TMC3: variants seen among roughly 807,000 people sequenced by gnomAD.
TMC3 encodes transmembrane channel like 3.
A neutral mutation model predicts 110.6 loss-of-function variants in TMC3; 98 were observed. The observed-to-expected ratio is 0.89, with a 90% CI of 0.75 to 1.05. TMC3 has a LOEUF of 1.05. Ranked by LOEUF, TMC3 falls within the 50% of genes least tolerant of loss-of-function variation. TMC3 has a pLI of 0.00. For synonymous variants in TMC3, 489 were observed against 513.1 expected (o/e 0.95, Z 0.63); for missense variants, 1,319 against 1,373.2 (o/e 0.96, Z 0.62).
At chr15:81,357,625 C>T (rs988801180) in intron 7 of TMC3, among the ~76,000 whole-genome samples, 1 of 152,122 alleles carries the variant, frequency 6.6e-6, no homozygotes, top group South Asian at 2.1e-4. Flanking sequence ...TGCATTTTGC[C>T]TCCCCAGTGA....
intron 4 of TMC3, 58 bp downstream of exon 4, chr15:81,362,162 G>T (rs1815550827): frequency 1.9e-5 from 27 of 1,448,740 alleles, no homozygotes; most frequent in Non-Finnish European, 2.5e-5. Context: ...CTCTCCTTAG[G>T]CTGTGACTGG....
At chr15:81,335,062 A>G in intron 20 of TMC3, 87 bp from the exon 21 acceptor site, 2 of 1,475,774 alleles carry the variant, frequency 1.4e-6, no homozygotes, top group South Asian at 1.3e-5. Flanking sequence ...GGGTTTTATG[A>G]CATCCAAGAG....
Position 81,356,446 on chromosome 15 carries a change from C to G in TMC3, c.891+1G>C. 1.3e-5 allele frequency: 21 copies of G among 1,564,904 alleles called. No individual in the cohort carries two copies. The highest frequency in any genetic ancestry group is 1.8e-5 in the Non-Finnish European group (21 of 1,154,660). ...CAGGCTGCACAGGCTCACTCACTCA[C>G]CCTGATGCTGTTCACTATGGCAGCT... On this transcript the variant is annotated splice_donor_variant, in intron 8 of 21. Coordinates refer to ENST00000359440, the MANE Select transcript of TMC3 (RefSeq NM_001080532.3). LOFTEE classifies it high-confidence loss of function.
At chr15:81,373,554 A>T (rs11634137) in intron 1 of TMC3, among the ~76,000 whole-genome samples, 88,670 of 151,752 alleles carry the variant, frequency 0.58, 27,472 homozygotes, top group Non-Finnish European at 0.71. Context: ...CAGCTGTACT[A>T]GACCTTTATA....
intron 1 of TMC3, 43 bp downstream of exon 1, chr15:81,373,946 A>T: frequency 6.3e-7 from 1 of 1,585,868 alleles, no homozygotes; most frequent in Non-Finnish European, 8.6e-7. Context: ...CCTTCCTCAC[A>T]CACCTGACTC....
At chr15:81,362,344 G>T in intron 3 of TMC3, 43 bp from the exon 4 acceptor site, 1 of 1,511,436 alleles carries the variant, frequency 6.6e-7, no homozygotes, top group Non-Finnish European at 9.1e-7. Context: ...CGTACATGAA[G>T]ATGGCAATGG....
intron 4 of TMC3, 21 bp downstream of exon 4, chr15:81,362,199 T>TC (rs1299432099): frequency 1.3e-6 from 2 of 1,583,690 alleles, no homozygotes; most frequent in Admixed American, 3.6e-5. Flanking sequence ...CCTGCCCCAC[T>TC]CTCCAGGTGT....
In TMC3 at chr15:81,332,314, C is replaced by A. The variant is rs1234988647; in HGVS notation, c.*105G>T. Reference sequence around the variant, plus strand: ...CAGCCGCTGACCATGCCCCTCAGGTCTCTAACACACTTGTTCACCTCTTTT... The same window carrying A: ...CAGCCGCTGACCATGCCCCTCAGGTATCTAACACACTTGTTCACCTCTTTT... On this transcript the variant is annotated 3_prime_UTR_variant, in exon 22 of 22. Transcript: ENST00000359440. The A allele has an allele frequency of 5.6e-6, 8 of 1,437,490 alleles. No individual in the cohort carries two copies. In the East Asian group the frequency reaches 2.0e-4, roughly 36 times the overall value. 89.0% of individuals were successfully genotyped at this position (1,437,490 alleles called of 1,614,324 possible).
rs1355882393 is a variant in TMC3, at chr15:81,372,655, T to A, written c.172A>T (p.Lys58Ter). The A allele has an allele frequency of 4.3e-6, 7 of 1,613,982 alleles. No individual in the cohort carries two copies. The highest frequency in any genetic ancestry group is 5.9e-6 in the Non-Finnish European group (7 of 1,179,892). Residue 58 changes from lysine to a stop codon, truncating the protein, a stop_gained, in exon 2 of 22, where the codon AAA becomes TAA. Coordinates refer to ENST00000359440, the MANE Select transcript of TMC3 (RefSeq NM_001080532.3). LOFTEE classifies it high-confidence loss of function. ...EQIFQNIQFQKDLMANIRCRP... is the reference protein window; with the variant it reads ...EQIFQNIQFQ ...CAGCGAATGTTTGCCATGAGATCTT[T>A]CTGGAACTGTATATTCTGGAAGATT...
chr15:81,374,174 AGTTT>A lies in TMC3; in HGVS notation c.-101_-98del. ...CGAGGTTTCTGAATGGAAGCAGCGG[AGTTT>A]GCTCTGCCCGCTAGTTCTCAGGAAG... On this transcript the variant is annotated 5_prime_UTR_variant, in exon 1 of 22. Transcript: ENST00000359440. The A allele has an allele frequency of 9.3e-7, 1 of 1,078,774 alleles. No homozygotes were observed. Among genetic ancestry groups the A allele is most frequent in the Non-Finnish European group, 1.4e-6 (1 of 719,602 alleles). The allele number at this position is 1,078,774 out of a possible 1,614,324, so 66.8% of individuals were successfully genotyped here. A position where few individuals can be genotyped will look rare whatever the true frequency, so the allele number is the denominator to read the frequency against.
At chr15:81,334,355 T>C (rs1454081569) in intron 21 of TMC3, among the ~76,000 whole-genome samples, 1 of 152,186 alleles carries the variant, frequency 6.6e-6, no homozygotes, top group Non-Finnish European at 1.5e-5. Flanking sequence ...AATGCATAAA[T>C]GGTCTTGCCA....
chr15:81,348,093 C>T (rs1310623156), intron 11 of TMC3, among the ~76,000 whole-genome samples: 4 of 152,212 alleles, frequency 2.6e-5, no homozygotes, highest in South Asian at 4.1e-4. Flanking sequence ...TGTTCATCGC[C>T]GTATGGTCTG....
intron 11 of TMC3, among the ~76,000 whole-genome samples, chr15:81,347,532 T>G (rs1893852005): frequency 6.6e-6 from 1 of 152,210 alleles, no homozygotes; most frequent in Admixed American, 6.5e-5. Flanking sequence ...CAGTGTGTAT[T>G]CAGTAAGTGT....
intron 1 of TMC3, 25 bp from the exon 2 acceptor site, chr15:81,372,762 G>A (rs771456888): frequency 1.9e-6 from 3 of 1,611,520 alleles, no homozygotes; most frequent in East Asian, 4.5e-5. Context: ...CATTAAGGAG[G>A]AAATCTGATT....
At chr15:81,338,562 A>G (rs1011994470) in intron 18 of TMC3, 93 bp downstream of exon 18, 61 of 1,526,660 alleles carry the variant, frequency 4.0e-5, no homozygotes, top group Non-Finnish European at 5.4e-5. Flanking sequence ...TTTTGAATGA[A>G]CTAATAAATT....
intron 8 of TMC3, among the ~76,000 whole-genome samples, chr15:81,356,153 A>G (rs1894055673): frequency 6.6e-6 from 1 of 152,220 alleles, no homozygotes; most frequent in African/African-American, 2.4e-5. Flanking sequence ...CAGGTTATAT[A>G]CATGCATCAT....
intron 2 of TMC3, among the ~76,000 whole-genome samples, chr15:81,372,292 C>A (rs903101978): frequency 5.3e-5 from 8 of 151,540 alleles, no homozygotes; most frequent in African/African-American, 1.2e-4. Flanking sequence ...AACACACACA[C>A]CCCCAACACA....
intron 2 of TMC3, among the ~76,000 whole-genome samples, chr15:81,369,895 C>T: frequency 6.6e-6 from 1 of 152,174 alleles, no homozygotes; most frequent in East Asian, 1.9e-4. Context: ...CACTGCACTC[C>T]AGCCTGGGTG....
At chr15:81,373,292 T>C (rs1160925636) in intron 1 of TMC3, among the ~76,000 whole-genome samples, 2 of 152,128 alleles carry the variant, frequency 1.3e-5, no homozygotes, top group African/African-American at 2.4e-5. Context: ...GAGCGAAAGA[T>C]TAGCTAAGCA....
Sources: allele counts gnomAD v4.1 joint callset (sites outside exome capture counted in the v4.1 genomes callset), GRCh38; gene constraint gnomAD v4.1.1; transcripts MANE v1.5; gene names NCBI Gene and HGNC (gene_info 2026-07-23, HGNC 2026-07-21).